Variants in CHID1 observed in about 807,000 individuals in gnomAD.
CHID1 encodes the protein chitinase domain-containing protein 1.
A neutral mutation model predicts 55.4 loss-of-function variants in CHID1; 44 were observed. The ratio of observed to expected loss-of-function variants is 0.79; its 90% CI spans 0.62 to 1.02. CHID1 has a LOEUF of 1.02. CHID1 is among the 50% of genes least tolerant of loss of function. The pLI, the probability that CHID1 is intolerant of heterozygous loss-of-function variation, is 0.00. For synonymous variants in CHID1, 216 were observed against 212.9 expected (o/e 1.01, Z -0.13); for missense variants, 491 against 515.3 (o/e 0.95, Z 0.46).
chr11:912,507 A>G (rs768653531), upstream of CHID1, among the ~76,000 whole-genome samples: 3 of 151,982 alleles, frequency 2.0e-5, no homozygotes, highest in African/African-American at 4.8e-5. Flanking sequence ...CCGCTTCCCA[A>G]TCTGCATAGT....
At chr11:909,468 C>T (rs113035720) in intron 1 of CHID1, among the ~76,000 whole-genome samples, 2 of 152,194 alleles carry the variant, frequency 1.3e-5, no homozygotes, top group Non-Finnish European at 2.9e-5. Flanking sequence ...GCTCCCAGTC[C>T]GTAGGTCCAG....
chr11:870,635 A>C (rs1849113494), intron 10 of CHID1, 136 bp from the exon 11 acceptor site: 1 of 646,152 alleles, frequency 1.5e-6, no homozygotes, highest in Non-Finnish European at 2.8e-6. Context: ...CTGGGGGACA[A>C]CACCTGGTGG....
chr11:893,621 G>C (rs1851017750), intron 7 of CHID1, 102 bp from the exon 8 acceptor site: 1 of 884,152 alleles, frequency 1.1e-6, no homozygotes, highest in Non-Finnish European at 1.7e-6. Flanking sequence ...CTGGTCCCCA[G>C]CCTGACACCC....
chr11:880,929 A>G (rs749317180), intron 10 of CHID1, among the ~76,000 whole-genome samples: 4 of 152,266 alleles, frequency 2.6e-5, no homozygotes, highest in Non-Finnish European at 5.9e-5. Flanking sequence ...ACATGGTAAA[A>G]TTCGCAATGC....
chr11:900,134 G>A (rs1161402876), intron 5 of CHID1, 24 bp from the exon 6 acceptor site: 8 of 1,579,280 alleles, frequency 5.1e-6, no homozygotes, highest in African/African-American at 1.3e-5. Context: ...AGACACACAC[G>A]GGGGCCGTGA....
chr11:888,753 C>T (rs528556543), intron 8 of CHID1, among the ~76,000 whole-genome samples: 10 of 151,972 alleles, frequency 6.6e-5, no homozygotes, highest in South Asian at 2.1e-4. Context: ...AGTGCCCACT[C>T]GGCCTCGACT....
intron 8 of CHID1, among the ~76,000 whole-genome samples, chr11:888,909 T>A (rs367777192): frequency 2.8e-4 from 42 of 151,146 alleles, no homozygotes; most frequent in East Asian, 1.8e-3. Context: ...TTGGCCTCGA[T>A]TGGACCCCGG....
upstream of CHID1, chr11:910,926 CTGCCCGAAAGT>C: frequency 3.9e-6 from 3 of 774,478 alleles, no homozygotes; most frequent in Admixed American, 6.3e-5. Flanking sequence ...CTGGGCAGGG[CTGCCCGAAAGT>C]CGGGGCCGGG....
At chr11:879,289 G>A (rs1342460521) in intron 10 of CHID1, among the ~76,000 whole-genome samples, 1 of 151,860 alleles carries the variant, frequency 6.6e-6, no homozygotes, top group Non-Finnish European at 1.5e-5. Flanking sequence ...TGCCCAGGCT[G>A]GCCTTGAACT....
At chr11:891,096 G>C (rs1045503966) in intron 8 of CHID1, among the ~76,000 whole-genome samples, 1 of 146,624 alleles carries the variant, frequency 6.8e-6, no homozygotes, top group Non-Finnish European at 1.5e-5. Context: ...AGTGGGATGG[G>C]GGAAGGATAA....
upstream of CHID1, chr11:910,968 G>C (rs1323847167): frequency 1.0e-5 from 3 of 298,436 alleles, no homozygotes; most frequent in Non-Finnish European, 1.5e-5. Context: ...GGGCCGGGGC[G>C]GGGCCGCGCC....
upstream of CHID1, chr11:910,961 CCGGGGCGGGGCCGCGCCGGGGG>C (rs1272168804): frequency 8.4e-5 from 33 of 394,224 alleles, no homozygotes; most frequent in African/African-American, 4.4e-4. Flanking sequence ...GGGGCCGGGG[CCGGGGCGGGGCCGCGCCGGGGG>C]CGGACCCCGG....
intron 8 of CHID1, 118 bp from the exon 9 acceptor site, chr11:884,287 G>C: frequency 1.4e-6 from 1 of 705,384 alleles, no homozygotes; most frequent in Non-Finnish European, 2.4e-6. Context: ...AAGGGGAAAA[G>C]TGTTCTTCTG....
At chr11:874,351 T>C (rs1166824426) in intron 10 of CHID1, among the ~76,000 whole-genome samples, 1 of 152,120 alleles carries the variant, frequency 6.6e-6, no homozygotes, top group African/African-American at 2.4e-5. Flanking sequence ...TAGTCCCAGC[T>C]ACTTGGGAGG....
intron 1 of CHID1, chr11:908,718 G>T: frequency 1.8e-6 from 1 of 544,860 alleles, no homozygotes; most frequent in Non-Finnish European, 2.3e-6. Context: ...AGGAGTAACT[G>T]GAGGGCACAC....
At chr11:897,891 A>C (rs561719784) in intron 7 of CHID1, among the ~76,000 whole-genome samples, 2 of 152,186 alleles carry the variant, frequency 1.3e-5, no homozygotes, top group South Asian at 4.2e-4. Context: ...GGGGAACCAC[A>C]CTGAGGGGTG....
intron 8 of CHID1, among the ~76,000 whole-genome samples, chr11:892,569 G>A (rs900696940): frequency 4.6e-5 from 7 of 152,352 alleles, no homozygotes; most frequent in African/African-American, 1.2e-4. Context: ...TAGCAACTGC[G>A]CTGTGCTGGG....
chr11:885,935 G>A (rs888620914), intron 8 of CHID1, among the ~76,000 whole-genome samples: 1 of 151,730 alleles, frequency 6.6e-6, no homozygotes, highest in South Asian at 2.1e-4. Context: ...GGAGGATCAC[G>A]AGGTCAGGAG....
In CHID1 at chr11:877,783, G is replaced by GGGCCTTTAGAAGGCGA. The variant is rs1208919470; in HGVS notation, c.959+5364_959+5365insTCGCCTTCTAAAGGCC. ...GGGGAGGCGGGGCCTTTAGAAGGCGGCACTGTGGGGAGGCGGGGCCTTTAG... is the reference window on the plus strand; with the variant it reads ...GGGGAGGCGGGGCCTTTAGAAGGCGGGGCCTTTAGAAGGCGACACTGTGGGGAGGCGGGGCCTTTAG... On this transcript the variant is annotated intron_variant, in intron 10 of 12. Transcript: ENST00000323578. Among the ~76,000 whole-genome samples the GGGCCTTTAGAAGGCGA allele has an allele frequency of 2.0e-3, 108 of 54,874 alleles. 3 individuals are homozygous for GGGCCTTTAGAAGGCGA. The highest frequency in any genetic ancestry group is 8.2e-3 in the Middle Eastern group (1 of 122). The allele number at this position is 54,874 out of a possible 152,430, so 36.0% of individuals were successfully genotyped here. A position where few individuals can be genotyped will look rare whatever the true frequency, so the allele number is the denominator to read the frequency against.
Sources: gnomAD v4.1 joint callset for allele counts (sites outside exome capture counted in the v4.1 genomes callset) on GRCh38, gnomAD v4.1.1 for gene constraint, MANE v1.5 for transcripts, NCBI Gene and HGNC (gene_info 2026-07-23, HGNC 2026-07-21) for gene names.